TM7SF3: variants seen among roughly 807,000 people sequenced by gnomAD.
TM7SF3 encodes the protein transmembrane 7 superfamily member 3.
Under a neutral mutation model 65.5 loss-of-function variants are expected in TM7SF3, and 60 were observed. The ratio of observed to expected loss-of-function variants is 0.92; its 90% CI spans 0.74 to 1.14. The LOEUF (loss-of-function observed/expected upper bound fraction) is 1.14. TM7SF3 is among the 50% of genes most tolerant of loss of function. TM7SF3 has a pLI of 0.00. For synonymous variants in TM7SF3, 264 were observed against 259.6 expected (o/e 1.02, Z -0.16); for missense variants, 623 against 684.8 (o/e 0.91, Z 1.01).
At chr12:26,993,619 GAATT>G (rs1295867348) in intron 5 of TM7SF3, among the ~76,000 whole-genome samples, 2 of 152,142 alleles carry the variant, frequency 1.3e-5, no homozygotes, top group Non-Finnish European at 2.9e-5. Context: ...TTTACAATGA[GAATT>G]AATCTAAGGA....
rs111491048 is a variant in TM7SF3, at chr12:27,008,262, T to C, written c.92-4872A>G. ...GTATATAGTGGTATCTCATTGTGAT[T>C]TTAATTCGCACTTCCCTAATTACTC... On this transcript the variant is annotated intron_variant, in intron 1 of 11. Coordinates refer to ENST00000343028, the MANE Select transcript of TM7SF3 (RefSeq NM_016551.3). Among the ~76,000 whole-genome samples, 299 of 152,304 alleles carry C rather than the reference T, an allele frequency of 2.0e-3. 2 individuals are homozygous for C. The highest frequency in any genetic ancestry group is 6.9e-3 in the African/African-American group (288 of 41,570).
chr12:26,984,559 T>G (rs1290350179), intron 6 of TM7SF3, among the ~76,000 whole-genome samples: 2 of 152,050 alleles, frequency 1.3e-5, no homozygotes, highest in Non-Finnish European at 1.5e-5. Flanking sequence ...CCAAAACCAT[T>G]AAATTTGCTG....
chr12:26,977,442 C>T (rs1040880639), intron 9 of TM7SF3, among the ~76,000 whole-genome samples: 1 of 152,172 alleles, frequency 6.6e-6, no homozygotes, highest in African/African-American at 2.4e-5. Context: ...TTTTTAAATG[C>T]TAATGCTTAA....
At chr12:26,983,231 G>T (rs528266815) in intron 6 of TM7SF3, among the ~76,000 whole-genome samples, 11 of 150,684 alleles carry the variant, frequency 7.3e-5, no homozygotes, top group Admixed American at 2.0e-4. Context: ...GGCAGGGAGT[G>T]GGGGGGAGGT....
rs1202323508 is a variant in TM7SF3, at chr12:26,992,905, C to CTTT, written c.691-2281_691-2279dup. 4.3e-3 allele frequency among the ~76,000 whole-genome samples: 471 copies of CTTT among 109,970 alleles called. 5 individuals carry two copies. The highest frequency in any genetic ancestry group is 6.4e-3 in the East Asian group (22 of 3,438). 72.1% of individuals were successfully genotyped at this position (109,970 alleles called of 152,430 possible). On this transcript the variant is annotated intron_variant, in intron 5 of 11. Transcript: ENST00000343028. ...AAATGATCCAGATTTTCCCTAATGT[C>CTTT]TTTTTTTTTTTTTTTTTTTTTTGAG...
In TM7SF3 at chr12:26,976,248, T is replaced by C; in HGVS notation, c.1287+12A>G. ...CATAATCAATAAATCTAACTTTTGATGAAACACTTACTATTCTTAGGCAGC... is the reference window on the plus strand; with the variant it reads ...CATAATCAATAAATCTAACTTTTGACGAAACACTTACTATTCTTAGGCAGC... On this transcript the variant is annotated intron_variant, in intron 10 of 11. Coordinates refer to ENST00000343028, the MANE Select transcript of TM7SF3 (RefSeq NM_016551.3). The C allele has an allele frequency of 6.3e-7, 1 of 1,576,934 alleles. No individual in the cohort carries two copies. Among genetic ancestry groups the C allele is most frequent in the Non-Finnish European group, 8.7e-7 (1 of 1,146,622 alleles).
intron 1 of TM7SF3, among the ~76,000 whole-genome samples, chr12:27,008,853 T>C (rs184256660): frequency 9.5e-4 from 145 of 152,252 alleles, no homozygotes; most frequent in Non-Finnish European, 1.6e-3. Flanking sequence ...CTGATAGACA[T>C]TGAAGACTGA....
intron 6 of TM7SF3, among the ~76,000 whole-genome samples, chr12:26,984,248 G>A (rs1027206751): frequency 4.6e-5 from 7 of 152,036 alleles, no homozygotes; most frequent in African/African-American, 1.7e-4. Context: ...TGGCCAACAT[G>A]GTGAGAACCC....
Position 26,975,652 on chromosome 12 carries a change from T to C in TM7SF3, c.1294A>G (p.Ile432Val). Residue 432 changes from isoleucine (I) to valine (V), a missense_variant, in exon 11 of 12, where the codon ATA (isoleucine) becomes GTA (valine). Coordinates refer to ENST00000343028, the MANE Select transcript of TM7SF3 (RefSeq NM_016551.3). ...VFMGCLRILN[I>V]LTCGVIGSYS... is the part of the protein sequence containing the mutation. The stretch of plus-strand genomic sequence containing the variant: ...GAGCCAATGACTCCACAAGTCAGTA[T>C]GTTCAGCTGTGGAAGAGTGGAAGAG... The C allele has an allele frequency of 3.1e-6, 5 of 1,599,870 alleles. No individual in the cohort carries two copies. Among genetic ancestry groups the C allele is most frequent in the Non-Finnish European group, 4.2e-6 (5 of 1,176,490 alleles).
chr12:26,975,751 T>G, intron 10 of TM7SF3, 93 bp from the exon 11 acceptor site: 1 of 1,363,654 alleles, frequency 7.3e-7, no homozygotes, highest in Non-Finnish European at 1.0e-6. Context: ...CAATCACATC[T>G]GCTCCCTCAG....
At chr12:27,002,573 T>TTGG (rs1940875460) in intron 2 of TM7SF3, among the ~76,000 whole-genome samples, 1 of 152,198 alleles carries the variant, frequency 6.6e-6, no homozygotes, top group Non-Finnish European at 1.5e-5. Context: ...AATGCATGTA[T>TTGG]TGGTCTAGGG....
intron 1 of TM7SF3, among the ~76,000 whole-genome samples, chr12:27,007,232 G>A (rs1941073201): frequency 6.6e-6 from 1 of 152,126 alleles, no homozygotes; most frequent in South Asian, 2.1e-4. Context: ...AAAAGCTACA[G>A]GAAAATGATG....
intron 5 of TM7SF3, among the ~76,000 whole-genome samples, chr12:26,990,909 A>G (rs919598592): frequency 2.6e-5 from 4 of 152,142 alleles, no homozygotes; most frequent in Admixed American, 2.6e-4. Flanking sequence ...CCATGAAAAA[A>G]GTTTTTTCAC....
At chr12:26,976,438 T>C (rs1939569418) in intron 9 of TM7SF3, 81 bp from the exon 10 acceptor site, 1 of 869,306 alleles carries the variant, frequency 1.2e-6, no homozygotes, top group Admixed American at 2.1e-5. Context: ...TGAACACAGA[T>C]ATACATCAAA....
intron 1 of TM7SF3, among the ~76,000 whole-genome samples, chr12:27,009,896 G>C (rs1182329951): frequency 2.6e-5 from 4 of 152,090 alleles, no homozygotes; most frequent in African/African-American, 7.2e-5. Context: ...AAAATACTTT[G>C]GCAGTGTAAC....
chr12:26,987,168 T>C lies in TM7SF3; in HGVS notation c.868+3282A>G, dbSNP rs552559310. Reference sequence around the variant, plus strand: ...GGCCTTAAATGCCATATATTCAGTCTGAAGATTTCCAAGATGCTCTCCAGC... The same window carrying C: ...GGCCTTAAATGCCATATATTCAGTCCGAAGATTTCCAAGATGCTCTCCAGC... On this transcript the variant is annotated intron_variant, in intron 6 of 11. Coordinates refer to ENST00000343028, the MANE Select transcript of TM7SF3 (RefSeq NM_016551.3). 2.0e-5 allele frequency among the ~76,000 whole-genome samples: 3 copies of C among 152,330 alleles called. No homozygotes were observed. In the East Asian group the frequency reaches 5.8e-4, roughly 29 times the overall value.
chr12:26,993,001 G>C (rs1484601781), intron 5 of TM7SF3, among the ~76,000 whole-genome samples: 1 of 149,356 alleles, frequency 6.7e-6, no homozygotes, highest in Non-Finnish European at 1.5e-5. Context: ...CTTCTCCCAG[G>C]CTCAAGCGAT....
At chr12:26,985,639 AAAAAAAAAAAAAAATATATAT>A (rs1940024822) in intron 6 of TM7SF3, among the ~76,000 whole-genome samples, 1 of 62,224 alleles carries the variant, frequency 1.6e-5, no homozygotes, top group South Asian at 6.2e-4. Context: ...AAAAAAAAAA[AAAAAAAAAAAAAAATATATAT>A]ATATATATAT....
At chr12:26,980,984 C>A (rs1939789993) in intron 7 of TM7SF3, among the ~76,000 whole-genome samples, 1 of 152,162 alleles carries the variant, frequency 6.6e-6, no homozygotes, top group Admixed American at 6.5e-5. Flanking sequence ...AAGAATAGCA[C>A]TTTGTCACGT....
Sources: allele counts gnomAD v4.1 joint callset (sites outside exome capture counted in the v4.1 genomes callset), GRCh38; gene constraint gnomAD v4.1.1; transcripts MANE v1.5; gene names NCBI Gene and HGNC (gene_info 2026-07-23, HGNC 2026-07-21).